Variants in EFL1 observed in about 807,000 individuals in gnomAD.
The protein encoded by EFL1 is elongation factor like GTPase 1, also known as elongation factor-like GTPase 1.
A neutral mutation model predicts 126.7 loss-of-function variants in EFL1; 76 were observed. The ratio of observed to expected loss-of-function variants is 0.60; its 90% CI spans 0.50 to 0.73. The LOEUF (loss-of-function observed/expected upper bound fraction) is 0.73, where lower values mean the gene tolerates loss of function less well. Ranked by LOEUF, EFL1 falls within the 30% of genes least tolerant of loss-of-function variation. The pLI is 0.00. For synonymous variants in EFL1, 410 were observed against 448.4 expected, an observed-to-expected ratio of 0.91 and a Z score of 1.08; for missense variants, 1,128 against 1,343.2, an observed-to-expected ratio of 0.84 and a Z score of 2.50.
intron 18 of EFL1, among the ~76,000 whole-genome samples, chr15:82,139,964 A>G (rs1390936677): frequency 6.6e-6 from 1 of 152,190 alleles, no homozygotes; most frequent in African/African-American, 2.4e-5. Flanking sequence ...TTTCTCTCTG[A>G]TTCAGATTTC....
At chr15:82,237,675 T>C (rs1310396324) in intron 7 of EFL1, among the ~76,000 whole-genome samples, 1 of 150,644 alleles carries the variant, frequency 6.6e-6, no homozygotes, top group African/African-American at 2.4e-5. Context: ...TCCAGAGAAA[T>C]GAAACTTATG....
chr15:82,212,256 C>T (rs1429052273), intron 15 of EFL1, among the ~76,000 whole-genome samples: 1 of 152,160 alleles, frequency 6.6e-6, no homozygotes, highest in East Asian at 1.9e-4. Context: ...TATGACAAAT[C>T]CCAGTTAGGA....
At chr15:82,206,213 A>C (rs1269094735) in intron 15 of EFL1, among the ~76,000 whole-genome samples, 1 of 152,250 alleles carries the variant, frequency 6.6e-6, no homozygotes, top group Non-Finnish European at 1.5e-5. Flanking sequence ...AGAAAAAAAC[A>C]AACCAAATCT....
rs2073911257 is a variant in EFL1 at position 82,151,758 on chromosome 15, A to G, written c.2696T>C (p.Leu899Pro). ...GVCFVLEKWD[L>P]SKFEEQGASD... ...TGCTCCTTGTTCCTCAAATTTACTT[A>G]GGTCCCATTTTTCCAGAACAAAACA... Residue 899 changes from leucine (L) to proline (P), a missense_variant, in exon 18 of 20, where the codon CTA becomes CCA. Transcript: ENST00000268206. The G allele has an allele frequency of 6.2e-7, 1 of 1,614,068 alleles. No individual in the cohort carries two copies. Among genetic ancestry groups the G allele is most frequent in the Non-Finnish European group, 8.5e-7 (1 of 1,180,002 alleles).
intron 17 of EFL1, among the ~76,000 whole-genome samples, chr15:82,156,480 T>A (rs1482375993): frequency 6.6e-6 from 1 of 152,184 alleles, no homozygotes; most frequent in African/African-American, 2.4e-5. Context: ...AGAGGGAGTT[T>A]CACCATGTTG....
intron 2 of EFL1, among the ~76,000 whole-genome samples, chr15:82,260,189 G>C (rs1017664181): frequency 6.6e-6 from 1 of 151,896 alleles, no homozygotes; most frequent in Admixed American, 6.6e-5. Flanking sequence ...TACATTTAAA[G>C]TAATTTGTTA....
chr15:82,185,574 A>T (rs541267331), intron 15 of EFL1, among the ~76,000 whole-genome samples: 261 of 152,304 alleles, frequency 1.7e-3, no homozygotes, highest in Non-Finnish European at 2.8e-3. Context: ...GAATTATCAG[A>T]ACACAGATGA....
intron 4 of EFL1, among the ~76,000 whole-genome samples, chr15:82,244,722 G>T: frequency 6.6e-6 from 1 of 152,080 alleles, no homozygotes; most frequent in Non-Finnish European, 1.5e-5. Context: ...CCTTGCCCAT[G>T]GTTTTAAAGT....
chr15:82,193,413 C>T (rs1397049185), intron 15 of EFL1, among the ~76,000 whole-genome samples: 1 of 152,080 alleles, frequency 6.6e-6, no homozygotes, highest in Non-Finnish European at 1.5e-5. Flanking sequence ...AATTATATCC[C>T]CTTCCAGCTT....
chr15:82,247,238 G>T lies in EFL1; in HGVS notation c.244+5453C>A, dbSNP rs955983557. Among the ~76,000 whole-genome samples, 5 of 152,140 alleles carry T rather than the reference G, an allele frequency of 3.3e-5. 1 individual carries two copies. Among genetic ancestry groups the T allele is most frequent in the African/African-American group, 7.3e-5 (3 of 41,368 alleles). Reference sequence around the variant, plus strand: ...GAGAAGGAAGTATTTAAGTTTGAAAGGTCGAAGATGGATAGCTCAAGGTGA... The same window carrying T: ...GAGAAGGAAGTATTTAAGTTTGAAATGTCGAAGATGGATAGCTCAAGGTGA... On this transcript the variant is annotated intron_variant, in intron 4 of 19. Transcript: ENST00000268206.
chr15:82,257,428 A>G (rs1373178648), intron 3 of EFL1, among the ~76,000 whole-genome samples: 4 of 152,150 alleles, frequency 2.6e-5, no homozygotes, highest in African/African-American at 4.8e-5. Flanking sequence ...TATGCTTTCT[A>G]TATGTCCAAA....
rs2079283676 is a variant in EFL1, at chr15:82,152,478, G to A, written c.2031-55C>T. ...AGGTTAAAATCAAAATAGCATCAAA[G>A]CTCCTGTGTAGAAATTACTACACAG... On this transcript the variant is annotated intron_variant, in intron 17 of 19. Transcript: ENST00000268206. 2.1e-6 allele frequency: 3 copies of A among 1,447,652 alleles called. No individual in the cohort carries two copies. The East Asian group carries it at 6.8e-5, about 33-fold the overall frequency. 89.7% of individuals were successfully genotyped at this position (1,447,652 alleles called of 1,614,324 possible).
chr15:82,258,304 A>C (rs1283999619), intron 3 of EFL1, among the ~76,000 whole-genome samples: 2 of 152,184 alleles, frequency 1.3e-5, no homozygotes, highest in Non-Finnish European at 2.9e-5. Flanking sequence ...CACACCTGTA[A>C]TTCCAGCACT....
intron 18 of EFL1, among the ~76,000 whole-genome samples, chr15:82,147,569 G>C (rs1337596749): frequency 1.4e-5 from 2 of 147,768 alleles, no homozygotes; most frequent in Non-Finnish European, 3.0e-5. Context: ...TTGAACCTGG[G>C]AGAAGAAGGC....
chr15:82,131,667 C>T (rs981655675), intron 19 of EFL1, among the ~76,000 whole-genome samples: 1 of 152,060 alleles, frequency 6.6e-6, no homozygotes, highest in Non-Finnish European at 1.5e-5. Context: ...TGGCGCATGC[C>T]TGTAATCCCA....
chr15:82,185,529 T>C (rs752937998), intron 15 of EFL1, among the ~76,000 whole-genome samples: 71 of 151,948 alleles, frequency 4.7e-4, no homozygotes, highest in Non-Finnish European at 8.7e-4. Flanking sequence ...AAAAATCAAA[T>C]AAACAAAGTT....
rs74030946 is a variant in EFL1 at position 82,212,979 on chromosome 15, C to T, written c.1750+1738G>A. Among the ~76,000 whole-genome samples the T allele has an allele frequency of 2.9e-3, 435 of 152,284 alleles. 2 individuals carry two copies. Among genetic ancestry groups the T allele is most frequent in the African/African-American group, 0.01 (421 of 41,558 alleles). ...GAGATATAAGGCCATCTTGCTTCTACGGGGACAAAAGCCACATGCTGAGCC... is the reference window on the plus strand; with the variant it reads ...GAGATATAAGGCCATCTTGCTTCTATGGGGACAAAAGCCACATGCTGAGCC... On this transcript the variant is annotated intron_variant, in intron 15 of 19. Coordinates refer to ENST00000268206, the MANE Select transcript of EFL1 (RefSeq NM_024580.6).
At chr15:82,167,210 T>G (rs2074088781) in intron 15 of EFL1, among the ~76,000 whole-genome samples, 1 of 152,190 alleles carries the variant, frequency 6.6e-6, no homozygotes, top group Admixed American at 6.5e-5. Flanking sequence ...AATTCTAGTT[T>G]TTATAGAAAC....
intron 15 of EFL1, among the ~76,000 whole-genome samples, chr15:82,197,640 C>A (rs1397656349): frequency 1.3e-5 from 2 of 151,734 alleles, no homozygotes; most frequent in African/African-American, 4.9e-5. Context: ...ACTCAATTTC[C>A]AAGATGAAGA....
Sources: gnomAD v4.1 joint callset for allele counts (sites outside exome capture counted in the v4.1 genomes callset) on GRCh38, gnomAD v4.1.1 for gene constraint, MANE v1.5 for transcripts, NCBI Gene and HGNC (gene_info 2026-07-23, HGNC 2026-07-21) for gene names.